The following UBE2F variants were observed in gnomAD, a reference collection of about 807,000 sequenced individuals.
UBE2F encodes the protein ubiquitin conjugating enzyme E2 F (putative).
A neutral mutation model predicts 29.6 loss-of-function variants in UBE2F; 5 were observed. That is an observed-to-expected ratio of 0.17 (90% CI 0.09 to 0.36). The LOEUF is 0.36. Ranked by LOEUF, UBE2F falls within the 10% of genes least tolerant of loss-of-function variation. UBE2F has a pLI of 1.00. For synonymous variants in UBE2F, 66 were observed against 81.8 expected, an observed-to-expected ratio of 0.81 and a Z score of 1.04; for missense variants, 141 against 228.5, an observed-to-expected ratio of 0.62 and a Z score of 2.47.
intron 2 of UBE2F, among the ~76,000 whole-genome samples, chr2:237,977,797 T>G (rs1324967860): frequency 6.6e-6 from 1 of 152,120 alleles, no homozygotes; most frequent in Non-Finnish European, 1.5e-5. Flanking sequence ...ATTACTATAG[T>G]CAGAACTGTC....
rs935306208 is a variant in UBE2F, at chr2:237,987,048, G to A, written c.119-915G>A. ...AAAAATGCCATTGGAATTTTGATAG[G>A]GATTGCACTGAATCTGTAGATTGCT... On this transcript the variant is annotated intron_variant, in intron 2 of 9. Transcript: ENST00000272930. 4.0e-4 allele frequency among the ~76,000 whole-genome samples: 60 copies of A among 151,862 alleles called. 1 individual carries two copies. Among genetic ancestry groups the A allele is most frequent in the African/African-American group, 1.5e-3 (60 of 41,302 alleles).
chr2:237,975,756 A>T (rs1409257040), intron 2 of UBE2F, among the ~76,000 whole-genome samples: 7 of 152,152 alleles, frequency 4.6e-5, no homozygotes. Context: ...CTCATGCCTC[A>T]GTCTCCTGAG....
chr2:237,972,232 C>T (rs570983363), intron 1 of UBE2F, among the ~76,000 whole-genome samples: 1 of 152,352 alleles, frequency 6.6e-6, no homozygotes, highest in African/African-American at 2.4e-5. Context: ...GCTCTATCCA[C>T]ACCTTTATTA....
chr2:238,027,664 T>G (rs1166188965), intron 6 of UBE2F, among the ~76,000 whole-genome samples: 1 of 152,214 alleles, frequency 6.6e-6, no homozygotes, highest in Non-Finnish European at 1.5e-5. Flanking sequence ...TGTGCCAGAT[T>G]GATGTACGGG....
In UBE2F at chr2:237,977,135, G is replaced by A. The variant is rs570816278; in HGVS notation, c.118+3910G>A. On this transcript the variant is annotated intron_variant, in intron 2 of 9. Coordinates refer to ENST00000272930, the MANE Select transcript of UBE2F (RefSeq NM_080678.3). Reference sequence around the variant, plus strand: ...ACCTACCAACCTGGGCGCCCCTCCAGCTCCAAGGAAGGAAATATCTTTGGC... The same window carrying A: ...ACCTACCAACCTGGGCGCCCCTCCAACTCCAAGGAAGGAAATATCTTTGGC... Among the ~76,000 whole-genome samples, 22 of 152,148 alleles carry A rather than the reference G, an allele frequency of 1.4e-4. No homozygotes were observed. The South Asian group carries it at 4.6e-3, about 32-fold the overall frequency.
At chr2:237,981,156 C>T (rs2063369021) in intron 2 of UBE2F, among the ~76,000 whole-genome samples, 1 of 152,138 alleles carries the variant, frequency 6.6e-6, no homozygotes, top group Non-Finnish European at 1.5e-5. Flanking sequence ...TTTCTCATTA[C>T]CTTGTAGGTG....
chr2:237,985,512 G>T (rs1468641942), intron 2 of UBE2F, among the ~76,000 whole-genome samples: 1 of 152,190 alleles, frequency 6.6e-6, no homozygotes, highest in Non-Finnish European at 1.5e-5. Context: ...ATTTACCCAT[G>T]TTGTTGCAAA....
Position 238,005,316 on chromosome 2 carries a change from C to G in UBE2F, c.214+10507C>G, listed in dbSNP as rs922159458. On this transcript the variant is annotated intron_variant, in intron 4 of 9. Transcript: ENST00000272930. ...GCTCAAGTTATCCTTCCGCCTCAGC[C>G]TCCTGAGGTAGCTGGGACCACAGGA... Among the ~76,000 whole-genome samples, 74 of 152,176 alleles carry G rather than the reference C, an allele frequency of 4.9e-4. 2 individuals are homozygous for G. The highest frequency in any genetic ancestry group is 1.8e-3 in the African/African-American group (74 of 41,438).
intron 4 of UBE2F, among the ~76,000 whole-genome samples, chr2:238,006,458 A>C (rs2063909161): frequency 6.6e-6 from 1 of 152,224 alleles, no homozygotes; most frequent in Non-Finnish European, 1.5e-5. Context: ...CATGGTTTAT[A>C]TCTCCATTTC....
chr2:237,973,266 A>G (rs1270620132), intron 2 of UBE2F, 41 bp downstream of exon 2: 3 of 1,589,666 alleles, frequency 1.9e-6, no homozygotes, highest in South Asian at 1.1e-5. Flanking sequence ...ATCCTATAAC[A>G]AAAGGAAGTT....
chr2:238,033,081 A>C (rs2064623184), intron 8 of UBE2F, among the ~76,000 whole-genome samples: 1 of 152,200 alleles, frequency 6.6e-6, no homozygotes, highest in African/African-American at 2.4e-5. Context: ...TAGCCAGCCC[A>C]GGGAGTGGCC....
chr2:237,975,101 T>TA (rs200405941), intron 2 of UBE2F, among the ~76,000 whole-genome samples: 7 of 146,514 alleles, frequency 4.8e-5, no homozygotes, highest in East Asian at 3.9e-4. Flanking sequence ...TACATTTCTT[T>TA]AAAATTTTTT....
At chr2:238,020,061 G>A (rs930660505) in intron 5 of UBE2F, among the ~76,000 whole-genome samples, 4 of 152,156 alleles carry the variant, frequency 2.6e-5, no homozygotes, top group East Asian at 3.9e-4. Flanking sequence ...CCAGCAGGGC[G>A]TCTCCAGGGG....
chr2:238,010,347 T>C (rs1005406664), intron 4 of UBE2F, among the ~76,000 whole-genome samples: 2 of 152,194 alleles, frequency 1.3e-5, no homozygotes, highest in Non-Finnish European at 2.9e-5. Context: ...CTGATTTTTG[T>C]ATTCTTAGTA....
intron 4 of UBE2F, among the ~76,000 whole-genome samples, chr2:238,013,355 G>C (rs2064084026): frequency 6.6e-6 from 1 of 152,180 alleles, no homozygotes; most frequent in Non-Finnish European, 1.5e-5. Flanking sequence ...GCAAATATAG[G>C]GAAAAGCACA....
In UBE2F at chr2:237,967,594, A is replaced by T. The variant is rs975545140; in HGVS notation, c.-17+462A>T. Among the ~76,000 whole-genome samples the T allele has an allele frequency of 7.2e-5, 11 of 151,964 alleles. No individual in the cohort carries two copies. The East Asian group carries it at 2.1e-3, about 30-fold the overall frequency. The stretch of plus-strand genomic sequence containing the variant: ...ACGTGGCCGCAGAAACCGGGACTGG[A>T]CTCCCGATCGGGGCAGGAGTCGCGC... On this transcript the variant is annotated intron_variant, in intron 1 of 9. Coordinates refer to ENST00000272930, the MANE Select transcript of UBE2F (RefSeq NM_080678.3). This position sits in a 1 kb window ranked among gnomAD's most constrained non-coding sequence, Gnocchi z 6.3.
At chr2:238,028,388 A>G (rs2064484612) in intron 6 of UBE2F, among the ~76,000 whole-genome samples, 2 of 152,272 alleles carry the variant, frequency 1.3e-5, no homozygotes, top group Non-Finnish European at 2.9e-5. Context: ...TGAAACAGGC[A>G]TTCAACAAAT....
chr2:237,973,690 C>CAGAAG, intron 2 of UBE2F: 7 of 1,302,186 alleles, frequency 5.4e-6, no homozygotes, highest in Non-Finnish European at 7.1e-6. Flanking sequence ...TAGTTCTCTT[C>CAGAAG]ACGGAATTAA....
chr2:238,014,822 CTG>C (rs1177824057), intron 4 of UBE2F, among the ~76,000 whole-genome samples: 3 of 152,210 alleles, frequency 2.0e-5, no homozygotes, highest in African/African-American at 7.2e-5. Context: ...GATATGTACT[CTG>C]AGTATTTTAT....
Sources: gnomAD v4.1 joint callset for allele counts (sites outside exome capture counted in the v4.1 genomes callset) on GRCh38, gnomAD v4.1.1 for gene constraint, Gnocchi (gnomAD v3.1) non-coding constraint, MANE v1.5 for transcripts, NCBI Gene and HGNC (gene_info 2026-07-23, HGNC 2026-07-21) for gene names.